The following AMPD2 variants were observed in gnomAD, a reference collection of about 807,000 sequenced individuals.
The protein encoded by AMPD2 is adenosine monophosphate deaminase 2, also known as AMP deaminase 2.
AMPD2 carries 52 observed loss-of-function variants against 91.3 expected under a neutral mutation model. That is an observed-to-expected ratio of 0.57 (90% CI 0.46 to 0.72). AMPD2 has a LOEUF of 0.72. AMPD2 is among the 30% of genes least tolerant of loss of function. AMPD2 has a pLI of 0.00. For missense variants in AMPD2, 822 were observed against 1,122.3 expected, an observed-to-expected ratio of 0.73 and a Z score of 3.82; for synonymous variants, 455 against 456.4, an observed-to-expected ratio of 1.00 and a Z score of 0.04.
chr1:109,629,050 G>A (rs1034998170), intron 13 of AMPD2, 59 bp from the exon 14 acceptor site: 59 of 1,596,008 alleles, frequency 3.7e-5, no homozygotes, highest in African/African-American at 1.9e-4. Context: ...TTGCTGGACC[G>A]CTGGGTTTCC....
chr1:109,626,920 T>C lies in AMPD2; in HGVS notation c.718+8T>C. 1 of 1,609,686 alleles carries C rather than the reference T, an allele frequency of 6.2e-7. No homozygotes were observed. Among genetic ancestry groups the C allele is most frequent in the Non-Finnish European group, 8.5e-7 (1 of 1,177,602 alleles). ...ACACCCCTGTGTCTGCTGGTGGGACTCCCCATCTCTGCCCCATGCCATGTG... is the reference window on the plus strand; with the variant it reads ...ACACCCCTGTGTCTGCTGGTGGGACCCCCCATCTCTGCCCCATGCCATGTG... On this transcript the variant is annotated splice_region_variant and intron_variant, in intron 7 of 18. Coordinates refer to ENST00000528667, the MANE Select transcript of AMPD2 (RefSeq NM_001368809.2).
intron 2 of AMPD2, among the ~76,000 whole-genome samples, chr1:109,621,577 G>A (rs1650281185): frequency 6.6e-6 from 1 of 152,250 alleles, no homozygotes; most frequent in Non-Finnish European, 1.5e-5. Flanking sequence ...TGCGTGTGAA[G>A]CATGTGTGAA....
In AMPD2 at chr1:109,629,892, T is replaced by C. The variant is rs1651051287; in HGVS notation, c.1959T>C (p.Ile653=). ...CAGCCTTCATGCTGGCTGAGAACATTTCCCACGGGCTCCTTCTGCGCAAGG... is the reference window on the plus strand; with the variant it reads ...CAGCCTTCATGCTGGCTGAGAACATCTCCCACGGGCTCCTTCTGCGCAAGG... ...LVSAFMLAEN[I]SHGLLLRKAP... Residue 653 remains isoleucine, a synonymous_variant, in exon 16 of 19, where the codon ATT becomes ATC. Transcript: ENST00000528667. 5 of 1,611,080 alleles carry C rather than the reference T, an allele frequency of 3.1e-6. No individual in the cohort carries two copies. Among genetic ancestry groups the C allele is most frequent in the Non-Finnish European group, 4.2e-6 (5 of 1,178,184 alleles).
At chr1:109,622,320 A>G in intron 2 of AMPD2, 1 of 456,248 alleles carries the variant, frequency 2.2e-6, no homozygotes, top group Non-Finnish European at 4.4e-6. Context: ...ATACGGATCT[A>G]GCCCAGAGCT....
rs1197587644 is a variant in AMPD2 at position 109,625,817 on chromosome 1, G to A, written c.353+25G>A. Reference sequence around the variant, plus strand: ...AGTGAGCCCGGCAGGCAGCTGCTTAGTCTCCCTCCATACCCTTCCAGACCC... The same window carrying A: ...AGTGAGCCCGGCAGGCAGCTGCTTAATCTCCCTCCATACCCTTCCAGACCC... On this transcript the variant is annotated intron_variant, in intron 4 of 18. Transcript: ENST00000528667. The surrounding 1 kb of genome is among the most constrained non-coding windows in gnomAD (Gnocchi z 4.0). 3 of 1,613,578 alleles carry A rather than the reference G, an allele frequency of 1.9e-6. No individual in the cohort carries two copies. In the Admixed American group the frequency reaches 5.0e-5, roughly 27 times the overall value.
chr1:109,629,261 A>G, intron 14 of AMPD2, 26 bp downstream of exon 14: 1 of 1,614,042 alleles, frequency 6.2e-7, no homozygotes, highest in Non-Finnish European at 8.5e-7. Flanking sequence ...AGAGCTGGGT[A>G]TGGGGAGGGC....
intron 1 of AMPD2, chr1:109,620,635 T>A: frequency 8.3e-7 from 1 of 1,203,090 alleles, no homozygotes; most frequent in Non-Finnish European, 1.0e-6. Flanking sequence ...GAGCTGAGGG[T>A]CAGATGTGGA....
At position 109,629,912 on chromosome 1, in the gene AMPD2, G is replaced by A; in HGVS notation, c.1979G>A (p.Arg660His). 6.2e-7 allele frequency: 1 copy of A among 1,605,030 alleles called. No homozygotes were observed. Among genetic ancestry groups the A allele is most frequent in the Non-Finnish European group, 8.5e-7 (1 of 1,174,508 alleles). Residue 660 changes from arginine to histidine, a missense_variant, in exon 16 of 19, where the codon CGC becomes CAC. Around this residue, in one of 5 missense-constraint regions of AMPD2, gnomAD observed 430 missense variants for 606.0 expected, o/e 0.71. Coordinates refer to ENST00000528667, the MANE Select transcript of AMPD2 (RefSeq NM_001368809.2). ...AENISHGLLLRKAPVLQYLYY... is the reference protein window; with the variant it reads ...AENISHGLLLHKAPVLQYLYY... ...AACATTTCCCACGGGCTCCTTCTGC[G>A]CAAGGTCAGGATCTGCACCCCTAGC...
intron 5 of AMPD2, 22 bp from the exon 6 acceptor site, chr1:109,626,297 C>G: frequency 6.2e-7 from 1 of 1,612,944 alleles, no homozygotes; most frequent in South Asian, 1.1e-5. Context: ...CTAAACCCCT[C>G]CCTTGAATGC....
chr1:109,629,729 G>T (rs1436941472), intron 15 of AMPD2, 67 bp from the exon 16 acceptor site: 1 of 1,534,712 alleles, frequency 6.5e-7, no homozygotes, highest in Non-Finnish European at 8.8e-7. Context: ...CTGGGTGGGG[G>T]TCAGGGGCTC....
chr1:109,630,278 G>A lies in AMPD2; in HGVS notation c.2029G>A (p.Ala677Thr). 14 of 1,613,742 alleles carry A rather than the reference G, an allele frequency of 8.7e-6. No individual in the cohort carries two copies. The highest frequency in any genetic ancestry group is 1.2e-5 in the Non-Finnish European group (14 of 1,179,996). ...YLYYLAQIGI[A>T]MSPLSNNSLF... is the part of the protein sequence containing the mutation. The stretch of plus-strand genomic sequence containing the variant: ...GTACTACCTGGCCCAGATCGGCATC[G>A]CCATGTCTCCGCTCAGCAACAACAG... The change falls in exon 17 of 19, where the codon GCC (alanine) becomes ACC (threonine). Residue 677 changes from alanine (A) to threonine (T), a missense_variant. By Grantham distance (58) the Ala-to-Thr change is moderately conservative. Around this residue, in one of 5 missense-constraint regions of AMPD2, gnomAD observed 430 missense variants for 606.0 expected, o/e 0.71. Coordinates refer to ENST00000528667, the MANE Select transcript of AMPD2 (RefSeq NM_001368809.2).
At position 109,620,389 on chromosome 1, in the gene AMPD2, G is replaced by A. The variant is rs575380969; in HGVS notation, c.-263+111G>A. On this transcript the variant is annotated intron_variant, in intron 1 of 18. Coordinates refer to ENST00000528667, the MANE Select transcript of AMPD2 (RefSeq NM_001368809.2). The stretch of plus-strand genomic sequence containing the variant: ...CACAGCAGCAGGACCTAGGGAAGGC[G>A]GTCAGCTCCTCCCAGGAGGGCCTGG... 9 of 1,508,788 alleles carry A rather than the reference G, an allele frequency of 6.0e-6. No individual in the cohort carries two copies. The African/African-American group carries it at 1.1e-4, about 18-fold the overall frequency. 93.5% of individuals were successfully genotyped at this position (1,508,788 alleles called of 1,614,324 possible).
At position 109,627,636 on chromosome 1, in the gene AMPD2, G is replaced by A. The variant is rs1391936838; in HGVS notation, c.950+118G>A. On this transcript the variant is annotated intron_variant, in intron 9 of 18. Transcript: ENST00000528667. ...TGCCCTTCCTAGTTGCTGAGCCCTCGACTTCCCCGCAGTCTACTTCCCTCT... is the reference window on the plus strand; with the variant it reads ...TGCCCTTCCTAGTTGCTGAGCCCTCAACTTCCCCGCAGTCTACTTCCCTCT... 22 of 1,518,686 alleles carry A rather than the reference G, an allele frequency of 1.4e-5. No individual in the cohort carries two copies. The Admixed American group carries it at 2.6e-4, about 18-fold the overall frequency. 94.1% of individuals were successfully genotyped at this position (1,518,686 alleles called of 1,614,324 possible).
chr1:109,628,828 G>A lies in AMPD2; in HGVS notation c.1571+22G>A. On this transcript the variant is annotated intron_variant, in intron 13 of 18. Transcript: ENST00000528667. The surrounding 1 kb of genome is among the most constrained non-coding windows in gnomAD (Gnocchi z 7.1). ...TCTTGTGAGTGTCCCTGGAGTGGGA[G>A]GGGAACCTGCGGGGTCATATTCAAG... is the stretch of plus-strand genomic sequence containing the variant. 1 of 1,548,538 alleles carries A rather than the reference G, an allele frequency of 6.5e-7. No individual in the cohort carries two copies. The highest frequency in any genetic ancestry group is 8.7e-7 in the Non-Finnish European group (1 of 1,144,676).
Position 109,628,430 on chromosome 1 carries a change from C to G in AMPD2, c.1342C>G (p.Leu448Val). ...AKYNPIGESVLREIFIKTDNR... is the reference protein window; with the variant it reads ...AKYNPIGESVVREIFIKTDNR... ...ATACAACCCTATTGGGGAGTCCGTC[C>G]TCCGAGAGATCTTCATCAAGACGGA... Residue 448 changes from leucine (L) to valine (V), a missense_variant, in exon 12 of 19, where the codon CTC becomes GTC. By Grantham distance (32) the Leu-to-Val change is conservative. Coordinates refer to ENST00000528667, the MANE Select transcript of AMPD2 (RefSeq NM_001368809.2). This position sits in a 1 kb window ranked among gnomAD's most constrained non-coding sequence, Gnocchi z 7.1. 1 of 1,613,816 alleles carries G rather than the reference C, an allele frequency of 6.2e-7. No individual in the cohort carries two copies. Among genetic ancestry groups the G allele is most frequent in the African/African-American group, 1.3e-5 (1 of 75,040 alleles).
At position 109,627,040 on chromosome 1, in the gene AMPD2, C is replaced by T. The variant is rs1650749608; in HGVS notation, c.718+128C>T. ...AGGCTCATTCCAACCTCTTGGGGTA[C>T]AGGGGTGGAGGTTGGGCAGGAGCTG... On this transcript the variant is annotated intron_variant, in intron 7 of 18. Coordinates refer to ENST00000528667, the MANE Select transcript of AMPD2 (RefSeq NM_001368809.2). The T allele has an allele frequency of 4.5e-6, 7 of 1,542,524 alleles. No individual in the cohort carries two copies. The East Asian group carries it at 6.8e-5, about 15-fold the overall frequency.
chr1:109,620,502 G>GGCCTTCCT, intron 1 of AMPD2: 1 of 1,211,650 alleles, frequency 8.3e-7, no homozygotes, highest in Non-Finnish European at 1.1e-6. Flanking sequence ...GGGGTCTCCT[G>GGCCTTCCT]GCCTTCCTGC....
At chr1:109,630,149 C>A in intron 16 of AMPD2, 84 bp from the exon 17 acceptor site, 1 of 1,483,054 alleles carries the variant, frequency 6.7e-7, no homozygotes, top group Non-Finnish European at 9.3e-7. Flanking sequence ...CTGCCCTCTG[C>A]TGTGGCCTGG....
chr1:109,631,259 C>G lies in AMPD2; in HGVS notation c.*107C>G, dbSNP rs1651247874. 1 of 1,137,036 alleles carries G rather than the reference C, an allele frequency of 8.8e-7. No individual in the cohort carries two copies. The highest frequency in any genetic ancestry group is 1.5e-5 in the African/African-American group (1 of 65,050). 70.4% of individuals were successfully genotyped at this position (1,137,036 alleles called of 1,614,324 possible). ...TGCATGTCTCCATTCTTCTCTGTCT[C>G]TGTCTTGCATGTCTCCTACCATGTC... is the stretch of plus-strand genomic sequence containing the variant. On this transcript the variant is annotated 3_prime_UTR_variant, in exon 19 of 19. Coordinates refer to ENST00000528667, the MANE Select transcript of AMPD2 (RefSeq NM_001368809.2).
Sources: allele counts gnomAD v4.1 joint callset (sites outside exome capture counted in the v4.1 genomes callset), GRCh38; gene constraint gnomAD v4.1.1; regional missense constraint gnomAD v4.1.1; non-coding constraint Gnocchi (gnomAD v3.1); transcripts MANE v1.5; gene names NCBI Gene and HGNC (gene_info 2026-07-23, HGNC 2026-07-21).